Variants in VPS13B observed in about 807,000 individuals in gnomAD.
VPS13B encodes the protein intermembrane lipid transfer protein VPS13B.
In VPS13B, 285 loss-of-function variants were observed where a neutral mutation model predicts 426.4. That is an observed-to-expected ratio of 0.67 (90% CI 0.61 to 0.74). VPS13B has a LOEUF of 0.74. Ranked by LOEUF, VPS13B falls within the 30% of genes least tolerant of loss-of-function variation. The pLI, the probability that VPS13B is intolerant of heterozygous loss-of-function variation, is 0.00. For synonymous variants in VPS13B, 1,676 were observed against 1,676.4 expected (o/e 1.00, Z 0.01); for missense variants, 4,537 against 4,782.6 (o/e 0.95, Z 1.51).
intron 19 of VPS13B, among the ~76,000 whole-genome samples, chr8:99,301,270 T>C (rs1266462042): frequency 1.3e-5 from 2 of 152,036 alleles, no homozygotes; most frequent in East Asian, 3.8e-4. Flanking sequence ...AGGCACTCTT[T>C]TAAGAGTCCC....
At chr8:99,353,477 A>G (rs1197840193) in intron 19 of VPS13B, among the ~76,000 whole-genome samples, 1 of 152,164 alleles carries the variant, frequency 6.6e-6, no homozygotes. Flanking sequence ...GTTGTAAAGG[A>G]TTAAGGGATT....
intron 39 of VPS13B, among the ~76,000 whole-genome samples, chr8:99,722,447 A>G (rs1340768566): frequency 6.6e-6 from 1 of 151,866 alleles, no homozygotes. Context: ...TTAACAAATT[A>G]GTTTTATAAT....
intron 19 of VPS13B, among the ~76,000 whole-genome samples, chr8:99,360,188 TTCTC>T (rs778981940): frequency 0.017 from 463 of 27,972 alleles, 22 homozygotes; most frequent in Middle Eastern, 0.05. Context: ...CTTTCTTTCT[TTCTC>T]TCTCTCTCTC....
At chr8:99,744,285 G>C (rs573982222) in intron 39 of VPS13B, among the ~76,000 whole-genome samples, 1 of 152,322 alleles carries the variant, frequency 6.6e-6, no homozygotes, top group East Asian at 1.9e-4. Flanking sequence ...TCTCACACCA[G>C]CTAGAATGGT....
intron 36 of VPS13B, among the ~76,000 whole-genome samples, chr8:99,705,671 GT>G (rs1033624707): frequency 2.0e-5 from 3 of 152,034 alleles, no homozygotes; most frequent in African/African-American, 7.2e-5. Flanking sequence ...TTATTTTGAG[GT>G]ATATATTCAT....
intron 33 of VPS13B, among the ~76,000 whole-genome samples, chr8:99,641,376 G>A (rs529717274): frequency 4.7e-4 from 72 of 152,226 alleles, no homozygotes; most frequent in Admixed American, 9.8e-4. Flanking sequence ...AGAAAGGTAA[G>A]GAGTATAGCA....
intron 31 of VPS13B, among the ~76,000 whole-genome samples, chr8:99,575,084 T>C (rs1424967703): frequency 1.3e-5 from 2 of 152,116 alleles, no homozygotes; most frequent in African/African-American, 4.8e-5. Flanking sequence ...GAGGATCACT[T>C]GCGCCCAGGA....
At chr8:99,408,050 G>A (rs1385373881) in intron 21 of VPS13B, among the ~76,000 whole-genome samples, 3 of 152,074 alleles carry the variant, frequency 2.0e-5, no homozygotes, top group Non-Finnish European at 4.4e-5. Context: ...GGTGCAGAGA[G>A]AGCACTGGGA....
intron 55 of VPS13B, among the ~76,000 whole-genome samples, chr8:99,849,671 T>C (rs1816158807): frequency 6.6e-6 from 1 of 152,258 alleles, no homozygotes; most frequent in East Asian, 1.9e-4. Context: ...GGCAAAGATA[T>C]ACACAGAGAG....
intron 30 of VPS13B, among the ~76,000 whole-genome samples, chr8:99,546,721 G>C (rs554599681): frequency 2.6e-5 from 4 of 151,818 alleles, no homozygotes; most frequent in Admixed American, 2.0e-4. Context: ...TAGTAGAATT[G>C]GAATGACTGG....
In VPS13B at chr8:99,876,369, G is replaced by GAT. The variant is rs1817703155; in HGVS notation, c.*704_*705dup. The GAT allele has an allele frequency of 6.6e-6, 1 of 150,990 alleles. No individual in the cohort carries two copies. Among genetic ancestry groups the GAT allele is most frequent in the Non-Finnish European group, 1.5e-5 (1 of 68,022 alleles). 9.4% of individuals were successfully genotyped at this position (150,990 alleles called of 1,614,324 possible). A position where few individuals can be genotyped will look rare whatever the true frequency, so the allele number is the denominator to read the frequency against. On this transcript the variant is annotated 3_prime_UTR_variant, in exon 62 of 62. Transcript: ENST00000357162. The stretch of plus-strand genomic sequence containing the variant: ...TTACTAAAATTTACAACAGTCTGAT[G>GAT]ATTGATTGATTACTGTCCAGGTACA...
chr8:99,743,134 G>A (rs1420551010), intron 39 of VPS13B, among the ~76,000 whole-genome samples: 4 of 152,174 alleles, frequency 2.6e-5, no homozygotes, highest in Admixed American at 6.5e-5. Flanking sequence ...AAAGTCTCAC[G>A]ATACAAAATC....
intron 39 of VPS13B, among the ~76,000 whole-genome samples, chr8:99,760,253 G>A (rs966373758): frequency 6.6e-6 from 1 of 152,140 alleles, no homozygotes; most frequent in Non-Finnish European, 1.5e-5. Flanking sequence ...AAAGTGCTGG[G>A]ATTACAGGCA....
chr8:99,075,973 C>G (rs947972482), intron 3 of VPS13B, among the ~76,000 whole-genome samples: 1 of 151,942 alleles, frequency 6.6e-6, no homozygotes, highest in African/African-American at 2.4e-5. Flanking sequence ...TGAAATCTTT[C>G]TACTTTTTTG....
Position 99,102,933 on chromosome 8 carries a change from TC to T in VPS13B, c.413-19del. ...CTGAGAGATTTGTGGCTAATTAAAT[TC>T]TTTTTTTCTATTTTATAGGTTATGT... On this transcript the variant is annotated intron_variant, in intron 4 of 61. Transcript: ENST00000357162. The T allele has an allele frequency of 6.3e-7, 1 of 1,576,860 alleles. No homozygotes were observed. The highest frequency in any genetic ancestry group is 8.7e-7 in the Non-Finnish European group (1 of 1,147,772).
At position 99,366,536 on chromosome 8, in the gene VPS13B, T is replaced by G. The variant is rs78004435; in HGVS notation, c.2825-17672T>G. ...TGGGTCTTGTTTTTTTTTGTTTTTT[T>G]TTTTTTAATCCATTCAGCCACTCTA... On this transcript the variant is annotated intron_variant, in intron 19 of 61. Coordinates refer to ENST00000357162, the MANE Select transcript of VPS13B (RefSeq NM_152564.5). Among the ~76,000 whole-genome samples the G allele has an allele frequency of 3.9e-3, 595 of 151,092 alleles. 2 individuals are homozygous for G. The highest frequency in any genetic ancestry group is 0.013 in the African/African-American group (556 of 41,344).
chr8:99,517,733 T>G (rs972560678), intron 29 of VPS13B, among the ~76,000 whole-genome samples: 2 of 152,004 alleles, frequency 1.3e-5, no homozygotes, highest in Non-Finnish European at 2.9e-5. Flanking sequence ...AAAAATAGAG[T>G]TAAAGCAAGG....
chr8:99,628,386 G>A (rs1411346425), intron 33 of VPS13B, among the ~76,000 whole-genome samples: 1 of 151,790 alleles, frequency 6.6e-6, no homozygotes, highest in African/African-American at 2.4e-5. Context: ...TCTGAAATCT[G>A]CAGGAAAAAA....
chr8:99,666,933 A>G (rs1200153976), intron 35 of VPS13B, among the ~76,000 whole-genome samples: 2 of 152,154 alleles, frequency 1.3e-5, no homozygotes, highest in Admixed American at 6.6e-5. Context: ...CCAGAAATGT[A>G]CTTTTTACAG....
Sources: allele counts gnomAD v4.1 joint callset (sites outside exome capture counted in the v4.1 genomes callset), GRCh38; gene constraint gnomAD v4.1.1; transcripts MANE v1.5; gene names NCBI Gene and HGNC (gene_info 2026-07-23, HGNC 2026-07-21).